Variants in ART3 observed in about 807,000 individuals in gnomAD.
ART3 encodes the protein ecto-ADP-ribosyltransferase 3.
A neutral mutation model predicts 48.5 loss-of-function variants in ART3; 49 were observed. The observed-to-expected ratio is 1.01, with a 90% CI of 0.80 to 1.28. The LOEUF is 1.28. ART3 is among the 50% of genes most tolerant of loss of function. The probability of loss-of-function intolerance (pLI) is 0.00; values close to 1 mark genes in which losing one functional copy is unlikely to be tolerated. For missense variants in ART3, 438 were observed against 454.3 expected (o/e 0.96, Z 0.33); for synonymous variants, 145 against 157.2 (o/e 0.92, Z 0.58).
intron 3 of ART3, among the ~76,000 whole-genome samples, chr4:76,093,886 TC>T (rs1260837028): frequency 2.6e-5 from 4 of 152,114 alleles, no homozygotes; most frequent in African/African-American, 7.2e-5. Context: ...ACTGAATGTA[TC>T]CCCCCCAAAA....
chr4:76,049,627 C>T (rs1283896203), intron 1 of ART3, among the ~76,000 whole-genome samples: 10 of 115,912 alleles, frequency 8.6e-5, no homozygotes, highest in African/African-American at 2.1e-4. Context: ...GACAGGTGCC[C>T]GGTATTTAGC....
intron 1 of ART3, among the ~76,000 whole-genome samples, chr4:76,040,888 T>C (rs1024934364): frequency 6.6e-6 from 1 of 152,204 alleles, no homozygotes; most frequent in African/African-American, 2.4e-5. Context: ...AATTAGGCTT[T>C]AGCAGGTGCT....
intron 8 of ART3, among the ~76,000 whole-genome samples, chr4:76,103,508 T>TAA (rs1727802513): frequency 1.3e-5 from 2 of 152,192 alleles, no homozygotes; most frequent in Admixed American, 1.3e-4. Flanking sequence ...CAATCTTCAC[T>TAA]AACTACAAAC....
intron 1 of ART3, among the ~76,000 whole-genome samples, chr4:76,019,589 G>A (rs896195992): frequency 2.7e-4 from 20 of 74,826 alleles, no homozygotes; most frequent in Non-Finnish European, 5.4e-4. Flanking sequence ...GAGTAGCTGG[G>A]ACTACAGGCG....
At chr4:76,011,919 A>G (rs1440293667) in intron 1 of ART3, among the ~76,000 whole-genome samples, 1 of 152,198 alleles carries the variant, frequency 6.6e-6, no homozygotes, top group East Asian at 1.9e-4. Context: ...ATGGCTAGAC[A>G]AGGCTTTTAG....
At chr4:76,072,746 C>T (rs1008426839), upstream of ART3, among the ~76,000 whole-genome samples, 1 of 151,756 alleles carries the variant, frequency 6.6e-6, no homozygotes, top group Non-Finnish European at 1.5e-5. Flanking sequence ...CCCACCACCC[C>T]CTTACATCTC....
At chr4:76,072,493 A>G (rs1720420686), upstream of ART3, among the ~76,000 whole-genome samples, 1 of 151,960 alleles carries the variant, frequency 6.6e-6, no homozygotes, top group South Asian at 2.1e-4. Flanking sequence ...ACTTCTCATT[A>G]CGTTTAATGC....
intron 1 of ART3, among the ~76,000 whole-genome samples, chr4:76,059,362 G>GTTTTTTTTTTTTTTT (rs71657397): frequency 7.1e-6 from 1 of 141,080 alleles, no homozygotes; most frequent in African/African-American, 2.6e-5. Flanking sequence ...ATTTTCTCTT[G>GTTTTTTTTTTTTTTT]TTTTTTTTTC....
At chr4:76,035,186 A>G in intron 1 of ART3, 2 of 1,613,952 alleles carry the variant, frequency 1.2e-6, no homozygotes, top group Non-Finnish European at 1.7e-6. Context: ...AGCCTGCACC[A>G]TTGTCATCTT....
intron 1 of ART3, among the ~76,000 whole-genome samples, chr4:76,052,257 T>TC: frequency 2.0e-5 from 3 of 152,204 alleles, no homozygotes; most frequent in African/African-American, 7.2e-5. Flanking sequence ...TGTATTCTGC[T>TC]AATGTAGTCT....
rs1729707264 is a variant in ART3, at chr4:76,112,669, A to G, written c.*150A>G. 3 of 923,506 alleles carry G rather than the reference A, an allele frequency of 3.2e-6. No homozygotes were observed. The Admixed American group carries it at 1.0e-4, about 31-fold the overall frequency. 57.2% of individuals were successfully genotyped at this position (923,506 alleles called of 1,614,324 possible). Reference sequence around the variant, plus strand: ...TATTTGTTATTCATTTTGCAAATTCAGAAAGTTGGTCCAGATATATGTCAC... The same window carrying G: ...TATTTGTTATTCATTTTGCAAATTCGGAAAGTTGGTCCAGATATATGTCAC... On this transcript the variant is annotated 3_prime_UTR_variant, in exon 12 of 12. Transcript: ENST00000355810.
At chr4:76,046,950 C>T (rs1412629444) in intron 1 of ART3, among the ~76,000 whole-genome samples, 1 of 136,498 alleles carries the variant, frequency 7.3e-6, no homozygotes, top group Non-Finnish European at 1.6e-5. Flanking sequence ...ATTTCCTGGC[C>T]CTCAATAGTT....
At chr4:76,036,100 A>G in intron 1 of ART3, 1 of 914,686 alleles carries the variant, frequency 1.1e-6, no homozygotes, top group South Asian at 1.5e-5. Flanking sequence ...TGGCATATAT[A>G]GAGCATTTTA....
intron 1 of ART3, among the ~76,000 whole-genome samples, chr4:76,018,542 G>T (rs1055805272): frequency 6.6e-6 from 1 of 151,928 alleles, no homozygotes; most frequent in East Asian, 1.9e-4. Flanking sequence ...CACAACACAC[G>T]ATTTACCCAT....
intron 1 of ART3, among the ~76,000 whole-genome samples, chr4:76,045,446 AT>A (rs1735410707): frequency 6.6e-6 from 1 of 151,898 alleles, no homozygotes; most frequent in African/African-American, 2.4e-5. Context: ...AGACAGTGAG[AT>A]CCTTTCCTTG....
chr4:76,101,542 C>T (rs773750028), intron 8 of ART3, among the ~76,000 whole-genome samples: 26 of 152,004 alleles, frequency 1.7e-4, no homozygotes, highest in Non-Finnish European at 3.7e-4. Context: ...CCAAAGTGGG[C>T]GGATCACGAG....
At chr4:76,097,541 A>AACCAGGAGCTGACAGATTAGGTT in intron 3 of ART3, 103 bp from the exon 4 acceptor site, 1 of 983,254 alleles carries the variant, frequency 1.0e-6, no homozygotes, top group Admixed American at 2.0e-5. Flanking sequence ...GAGTCTGATA[A>AACCAGGAGCTGACAGATTAGGTT]ACCAGGAGCT....
intron 1 of ART3, chr4:76,035,054 A>T (rs780541047): frequency 2.5e-6 from 4 of 1,612,972 alleles, no homozygotes; most frequent in Non-Finnish European, 3.4e-6. Flanking sequence ...TACTTTGATT[A>T]TAAGCCTTGC....
At chr4:76,104,376 T>C in intron 9 of ART3, 1 of 985,444 alleles carries the variant, frequency 1.0e-6, no homozygotes, top group Non-Finnish European at 1.2e-6. Flanking sequence ...TCTCCTGGCA[T>C]AAACATGCTC....
Sources: gnomAD v4.1 joint callset for allele counts (sites outside exome capture counted in the v4.1 genomes callset) on GRCh38, gnomAD v4.1.1 for gene constraint, MANE v1.5 for transcripts, NCBI Gene and HGNC (gene_info 2026-07-23, HGNC 2026-07-21) for gene names.